Variants in DNAAF4 observed in about 807,000 individuals in gnomAD.
The protein encoded by DNAAF4 is dynein axonemal assembly factor 4, also known as dynein assembly factor 4, axonemal.
In DNAAF4, 43 loss-of-function variants were observed where a neutral mutation model predicts 51.8. The ratio of observed to expected loss-of-function variants is 0.83; its 90% CI spans 0.65 to 1.07. DNAAF4 has a LOEUF of 1.07. DNAAF4 is among the 50% of genes least tolerant of loss of function. The pLI, the probability that DNAAF4 is intolerant of heterozygous loss-of-function variation, is 0.00. For missense variants in DNAAF4, 581 were observed against 493.0 expected, an observed-to-expected ratio of 1.18 and a Z score of -1.69; for synonymous variants, 194 against 165.6, an observed-to-expected ratio of 1.17 and a Z score of -1.32.
Position 55,458,506 on chromosome 15 carries a change from T to TAA in DNAAF4, c.638-8141_638-8140dup, listed in dbSNP as rs1567016032. Among the ~76,000 whole-genome samples, 4 of 152,008 alleles carry TAA rather than the reference T, an allele frequency of 2.6e-5. No individual in the cohort carries two copies. The South Asian group carries it at 6.2e-4, about 24-fold the overall frequency. ...ACAAAGACAAAGAAAAAAAGAATTT[T>TAA]AAAAAATGAACAAAGCCTCCAAGAA... is the stretch of plus-strand genomic sequence containing the variant. On this transcript the variant is annotated intron_variant, in intron 5 of 9. Transcript: ENST00000321149.
chr15:55,501,407 G>T (rs2058697771), intron 1 of DNAAF4, among the ~76,000 whole-genome samples: 1 of 112,368 alleles, frequency 8.9e-6, no homozygotes, highest in Non-Finnish European at 1.8e-5. Flanking sequence ...GCGGAGTCTC[G>T]CTCTTTCGCC....
At chr15:55,470,719 T>G (rs28670205) in intron 4 of DNAAF4, among the ~76,000 whole-genome samples, 1 of 147,578 alleles carries the variant, frequency 6.8e-6, no homozygotes, top group Non-Finnish European at 1.5e-5. Flanking sequence ...TTTTATGTTA[T>G]TTTTTTGTAA....
chr15:55,446,733 G>A (rs1268319486), intron 6 of DNAAF4, among the ~76,000 whole-genome samples: 1 of 146,472 alleles, frequency 6.8e-6, no homozygotes, highest in Non-Finnish European at 1.5e-5. Flanking sequence ...GGGCAGCCGG[G>A]CAGAGACACT....
Position 55,498,320 on chromosome 15 carries a change from G to A in DNAAF4, c.10C>T (p.Gln4Ter), listed in dbSNP as rs762704959. 47 of 1,605,474 alleles carry A rather than the reference G, an allele frequency of 2.9e-5. No individual in the cohort carries two copies. Among genetic ancestry groups the A allele is most frequent in the Non-Finnish European group, 2.6e-5 (30 of 1,175,038 alleles). MPL[Q>*]VSDYSWQQTK... ...TGCTGCCAGCTGTAATCGCTAACCT[G>A]AAGAGGCATTCCGGTAGCAACGGGA... Residue 4 changes from glutamine to a stop codon, truncating the protein, a stop_gained, in exon 2 of 10, where the codon CAG becomes TAG. Transcript: ENST00000321149. LOFTEE classifies it high-confidence loss of function.
intron 3 of DNAAF4, among the ~76,000 whole-genome samples, chr15:55,494,488 T>C (rs1354478074): frequency 1.3e-5 from 2 of 151,840 alleles, no homozygotes; most frequent in Non-Finnish European, 2.9e-5. Flanking sequence ...CTCAGCTCGC[T>C]GCAACCTCCA....
At chr15:55,478,702 C>T (rs984596260) in intron 4 of DNAAF4, among the ~76,000 whole-genome samples, 1 of 152,184 alleles carries the variant, frequency 6.6e-6, no homozygotes, top group Non-Finnish European at 1.5e-5. Flanking sequence ...ACATATTTGA[C>T]TTCAAAATTA....
chr15:55,455,626 T>G (rs1041715097), intron 5 of DNAAF4, among the ~76,000 whole-genome samples: 4 of 151,972 alleles, frequency 2.6e-5, no homozygotes, highest in Non-Finnish European at 5.9e-5. Context: ...GAGACAGGGT[T>G]TCGCCATGTT....
intron 4 of DNAAF4, among the ~76,000 whole-genome samples, chr15:55,485,368 T>A (rs2058472756): frequency 6.6e-6 from 1 of 152,220 alleles, no homozygotes; most frequent in African/African-American, 2.4e-5. Flanking sequence ...TGTGGTCTTT[T>A]TGTACATTAG....
At chr15:55,440,930 C>G (rs2141427054) in intron 6 of DNAAF4, among the ~76,000 whole-genome samples, 1 of 151,982 alleles carries the variant, frequency 6.6e-6, no homozygotes, top group South Asian at 2.1e-4. Context: ...ATTCACCCAC[C>G]TTGGCCTCCC....
chr15:55,491,696 A>T (rs1358054478), intron 3 of DNAAF4, among the ~76,000 whole-genome samples: 1 of 141,564 alleles, frequency 7.1e-6, no homozygotes, highest in South Asian at 2.1e-4. Context: ...ATTATATAAT[A>T]ATATTATATA....
chr15:55,449,215 C>A (rs1255059235), intron 6 of DNAAF4, among the ~76,000 whole-genome samples: 1 of 149,888 alleles, frequency 6.7e-6, no homozygotes, highest in African/African-American at 2.4e-5. Context: ...GTCTCAAACT[C>A]CTGACCTCAG....
At chr15:55,459,075 C>CA (rs35467433) in intron 5 of DNAAF4, among the ~76,000 whole-genome samples, 10,867 of 71,694 alleles carry the variant, frequency 0.15, 553 homozygotes, top group Middle Eastern at 0.29. Flanking sequence ...GACTCTGTCT[C>CA]AAAAAAAAAA....
chr15:55,485,183 G>C (rs181948641), intron 4 of DNAAF4, among the ~76,000 whole-genome samples: 1 of 152,228 alleles, frequency 6.6e-6, no homozygotes, highest in Non-Finnish European at 1.5e-5. Context: ...CTCTAAGAAC[G>C]GGTTTATGGA....
chr15:55,474,171 T>C (rs370058454), intron 4 of DNAAF4, among the ~76,000 whole-genome samples: 2 of 152,136 alleles, frequency 1.3e-5, no homozygotes, highest in African/African-American at 2.4e-5. Context: ...TTGCAAATAA[T>C]AGTACACTAC....
At chr15:55,468,748 T>C (rs2058205805) in intron 4 of DNAAF4, among the ~76,000 whole-genome samples, 1 of 152,216 alleles carries the variant, frequency 6.6e-6, no homozygotes, top group Non-Finnish European at 1.5e-5. Flanking sequence ...GACTAAGTCT[T>C]AATTACCAAA....
At chr15:55,425,395 T>C (rs970626430), downstream of DNAAF4, among the ~76,000 whole-genome samples, 1 of 152,162 alleles carries the variant, frequency 6.6e-6, no homozygotes, top group Non-Finnish European at 1.5e-5. Context: ...TAATTTTCCA[T>C]CCACTGACCA....
chr15:55,465,391 T>TACAC (rs1225166580), intron 5 of DNAAF4, among the ~76,000 whole-genome samples: 10,373 of 147,766 alleles, frequency 0.07, 669 homozygotes, highest in African/African-American at 0.17. Flanking sequence ...ATGGTGTATA[T>TACAC]ATACACACAC....
intron 6 of DNAAF4, among the ~76,000 whole-genome samples, chr15:55,440,180 G>A (rs902472804): frequency 2.0e-5 from 3 of 151,652 alleles, no homozygotes; most frequent in Non-Finnish European, 2.9e-5. Flanking sequence ...AGCCTCCCGA[G>A]TAGGTGGGAT....
chr15:55,488,209 T>C (rs1256675177), intron 4 of DNAAF4, among the ~76,000 whole-genome samples: 1 of 151,914 alleles, frequency 6.6e-6, no homozygotes, highest in East Asian at 1.9e-4. Flanking sequence ...GACCTTGATC[T>C]ATGAGAAAAT....
Sources: gnomAD v4.1 joint callset for allele counts (sites outside exome capture counted in the v4.1 genomes callset) on GRCh38, gnomAD v4.1.1 for gene constraint, MANE v1.5 for transcripts, NCBI Gene and HGNC (gene_info 2026-07-23, HGNC 2026-07-21) for gene names.